The following OVGP1 variants were observed in gnomAD, a reference collection of about 807,000 sequenced individuals.
The protein encoded by OVGP1 is oviductal glycoprotein 1.
In OVGP1, 26 loss-of-function variants were observed where a neutral mutation model predicts 48.2. The ratio of observed to expected loss-of-function variants is 0.54; its 90% CI spans 0.40 to 0.75. OVGP1 has a LOEUF of 0.75. Ranked by LOEUF, OVGP1 falls within the 30% of genes least tolerant of loss-of-function variation. OVGP1 has a pLI of 0.00. For synonymous variants in OVGP1, 294 were observed against 305.7 expected, an observed-to-expected ratio of 0.96 and a Z score of 0.40; for missense variants, 791 against 820.6, an observed-to-expected ratio of 0.96 and a Z score of 0.44.
chr1:111,424,691 C>T (rs1054496328), intron 4 of OVGP1, among the ~76,000 whole-genome samples: 2 of 152,230 alleles, frequency 1.3e-5, no homozygotes, highest in African/African-American at 2.4e-5. Context: ...GTTCTCACCC[C>T]CCTGCCCTGA....
At chr1:111,423,881 A>T (rs566464636) in intron 4 of OVGP1, among the ~76,000 whole-genome samples, 173 bp from the exon 5 acceptor site, 27 of 152,326 alleles carry the variant, frequency 1.8e-4, no homozygotes, top group Admixed American at 1.5e-3. Context: ...CAGCACCAGG[A>T]GCTCAATACC....
At chr1:111,415,586 T>C (rs1283575372) in intron 10 of OVGP1, among the ~76,000 whole-genome samples, 1 of 152,208 alleles carries the variant, frequency 6.6e-6, no homozygotes, top group Non-Finnish European at 1.5e-5. Flanking sequence ...ATTTGCTACA[T>C]TTTCCATGAA....
At chr1:111,415,995 C>G (rs559567483) in intron 10 of OVGP1, among the ~76,000 whole-genome samples, 2 of 152,292 alleles carry the variant, frequency 1.3e-5, no homozygotes, top group African/African-American at 4.8e-5. Flanking sequence ...TCAGCCCTTG[C>G]CCATGAGAGT....
chr1:111,427,240 A>G, intron 1 of OVGP1, 149 bp from the exon 2 acceptor site: 1 of 1,491,428 alleles, frequency 6.7e-7, no homozygotes, highest in Non-Finnish European at 8.9e-7. Flanking sequence ...CACACCATTT[A>G]CTCGTTTCCT....
rs771920774 is a variant in OVGP1 at position 111,423,668 on chromosome 1, A to G, written c.358T>C (p.Phe120Leu). Residue 120 changes from phenylalanine to leucine, a missense_variant, in exon 5 of 11, where the codon TTT (phenylalanine) becomes CTT (leucine). Coordinates refer to ENST00000369732, the MANE Select transcript of OVGP1 (RefSeq NM_002557.4). ...MLSTFANREK[F>L]IASVISLLRT... Reference sequence around the variant, plus strand: ...AGAAGGGATATAACTGAAGCAATAAACTTTTCACGGTTGGCAAATGTGGAC... The same window carrying G: ...AGAAGGGATATAACTGAAGCAATAAGCTTTTCACGGTTGGCAAATGTGGAC... 17 of 1,613,996 alleles carry G rather than the reference A, an allele frequency of 1.1e-5. No homozygotes were observed. In the South Asian group the frequency reaches 1.3e-4, roughly 13 times the overall value.
At chr1:111,416,834 T>C (rs1652149795) in intron 9 of OVGP1, among the ~76,000 whole-genome samples, 1 of 152,168 alleles carries the variant, frequency 6.6e-6, no homozygotes, top group Non-Finnish European at 1.5e-5. Context: ...GTGTGGTACC[T>C]AGAGTAGTCA....
chr1:111,424,600 G>A (rs930814562), intron 4 of OVGP1, among the ~76,000 whole-genome samples: 5 of 152,306 alleles, frequency 3.3e-5, no homozygotes, highest in South Asian at 2.1e-4. Flanking sequence ...GGGATAATGC[G>A]TGTACAGCCC....
intron 9 of OVGP1, among the ~76,000 whole-genome samples, chr1:111,417,362 G>A (rs1338094501): frequency 2.6e-5 from 4 of 152,174 alleles, no homozygotes; most frequent in African/African-American, 9.7e-5. Context: ...ACAACTAAAT[G>A]GCAGAGCTTA....
chr1:111,425,560 A>G, intron 3 of OVGP1, 121 bp from the exon 4 acceptor site: 3 of 1,526,370 alleles, frequency 2.0e-6, no homozygotes, highest in Non-Finnish European at 2.6e-6. Flanking sequence ...GGAGGTAAGG[A>G]AAGGAAAAGG....
intron 9 of OVGP1, among the ~76,000 whole-genome samples, chr1:111,419,027 G>T (rs962837758): frequency 6.6e-6 from 1 of 152,206 alleles, no homozygotes; most frequent in African/African-American, 2.4e-5. Flanking sequence ...TCATCCACCT[G>T]TAGAAACCTG....
chr1:111,421,312 CT>C lies in OVGP1; in HGVS notation c.866del (p.Lys289SerfsTer56). 2 of 1,612,242 alleles carry C rather than the reference CT, an allele frequency of 1.2e-6. No individual in the cohort carries two copies. Among genetic ancestry groups the C allele is most frequent in the Non-Finnish European group, 1.7e-6 (2 of 1,179,420 alleles). ...ARAIGPASPG[K>X]YTKQEGFLAY... Reference sequence around the variant, plus strand: ...CCAAGAAGCCTTCTTGCTTGGTGTACTTCCCTGGAGATGCTGGTCCGATCGC... The same window carrying C: ...CCAAGAAGCCTTCTTGCTTGGTGTACTCCCTGGAGATGCTGGTCCGATCGC... On this transcript the variant is annotated frameshift_variant, in exon 8 of 11. Transcript: ENST00000369732. LOFTEE classifies it high-confidence loss of function.
chr1:111,426,753 C>T (rs759214526), intron 2 of OVGP1, 112 bp from the exon 3 acceptor site: 11 of 1,550,614 alleles, frequency 7.1e-6, no homozygotes, highest in Non-Finnish European at 9.6e-6. Context: ...TTTTCACATC[C>T]TCTCTCCCTG....
chr1:111,426,239 C>T (rs1054818090), intron 3 of OVGP1, among the ~76,000 whole-genome samples, 198 bp downstream of exon 3: 1 of 152,066 alleles, frequency 6.6e-6, no homozygotes, highest in African/African-American at 2.4e-5. Context: ...ACAGCAACTA[C>T]AAAAGTAAGG....
In OVGP1 at chr1:111,415,082, G is replaced by T. The variant is rs1478150218; in HGVS notation, c.1419C>A (p.Ile473=). The T allele has an allele frequency of 6.2e-7, 1 of 1,614,048 alleles. No homozygotes were observed. Among genetic ancestry groups the T allele is most frequent in the African/African-American group, 1.3e-5 (1 of 74,916 alleles). Residue 473 remains isoleucine (I), a synonymous_variant, in exon 11 of 11, where the codon ATC becomes ATA. Coordinates refer to ENST00000369732, the MANE Select transcript of OVGP1 (RefSeq NM_002557.4). The stretch of plus-strand genomic sequence containing the variant: ...CAGAAGTCATGGTCATTGCCCCAGT[G>T]ATCTCAGTCTTCTCTCCTAGAGCTA... ...HTVALGEKTE[I]TGAMTMTSVG...
chr1:111,415,999 T>C (rs573317987), intron 10 of OVGP1, among the ~76,000 whole-genome samples: 1 of 152,338 alleles, frequency 6.6e-6, no homozygotes, highest in South Asian at 2.1e-4. Context: ...CCCTTGCCCA[T>C]GAGAGTAAGA....
chr1:111,416,498 G>A, intron 9 of OVGP1, 40 bp from the exon 10 acceptor site: 2 of 1,564,634 alleles, frequency 1.3e-6, no homozygotes, highest in East Asian at 2.3e-5. Context: ...GTACTTGTCA[G>A]TCTCTAGACT....
chr1:111,421,172 C>T (rs1652258233), intron 8 of OVGP1, 104 bp downstream of exon 8: 4 of 1,015,122 alleles, frequency 3.9e-6, no homozygotes, highest in Middle Eastern at 2.6e-4. Context: ...CCTCTTTGCC[C>T]TGTCTACAGC....
At position 111,415,598 on chromosome 1, in the gene OVGP1, G is replaced by T. The variant is rs117377170; in HGVS notation, c.1157-254C>A. Among the ~76,000 whole-genome samples, 178 of 152,300 alleles carry T rather than the reference G, an allele frequency of 1.2e-3. 1 individual carries two copies. The East Asian group carries it at 0.032, about 28-fold the overall frequency. On this transcript the variant is annotated intron_variant, in intron 10 of 10. Coordinates refer to ENST00000369732, the MANE Select transcript of OVGP1 (RefSeq NM_002557.4). ...TGGATTTGCTACATTTTCCATGAATGACCTCAGAAAGGAGCCCACCCATTC... is the reference window on the plus strand; with the variant it reads ...TGGATTTGCTACATTTTCCATGAATTACCTCAGAAAGGAGCCCACCCATTC...
intron 1 of OVGP1, 157 bp from the exon 2 acceptor site, chr1:111,427,248 CCTAGTTT>C (rs1390204091): frequency 4.1e-6 from 4 of 985,308 alleles, no homozygotes; most frequent in Non-Finnish European, 4.8e-6. Flanking sequence ...TTACTCGTTT[CCTAGTTT>C]CTAAAGTTGG....
Sources: gnomAD v4.1 joint callset for allele counts (sites outside exome capture counted in the v4.1 genomes callset) on GRCh38, gnomAD v4.1.1 for gene constraint, MANE v1.5 for transcripts, NCBI Gene and HGNC (gene_info 2026-07-23, HGNC 2026-07-21) for gene names.